RBMS3: variants seen among roughly 807,000 people sequenced by gnomAD.
RBMS3 encodes RNA-binding motif, single-stranded-interacting protein 3.
Under a neutral mutation model 66.8 loss-of-function variants are expected in RBMS3, and 27 were observed. The observed-to-expected ratio is 0.40, with a 90% CI of 0.30 to 0.56. The LOEUF is 0.56. Among genes scored for constraint, RBMS3 ranks in the 20% least tolerant of loss-of-function variants. RBMS3 has a pLI of 0.40. For missense variants in RBMS3, 513 were observed against 549.5 expected, an observed-to-expected ratio of 0.93 and a Z score of 0.66; for synonymous variants, 188 against 183.0, an observed-to-expected ratio of 1.03 and a Z score of -0.22.
intron 12 of RBMS3, among the ~76,000 whole-genome samples, chr3:29,975,798 C>A (rs1697543161): frequency 6.6e-6 from 1 of 151,782 alleles, no homozygotes; most frequent in Non-Finnish European, 1.5e-5. Context: ...TTTTTGCCTG[C>A]AGAAATTTCT....
At chr3:29,360,878 T>G (rs1440022693) in intron 1 of RBMS3, among the ~76,000 whole-genome samples, 1 of 151,970 alleles carries the variant, frequency 6.6e-6, no homozygotes, top group Non-Finnish European at 1.5e-5. Flanking sequence ...ACCCCTGCCT[T>G]TTTTTGGTTT....
chr3:29,859,941 T>C (rs943450481), intron 6 of RBMS3, among the ~76,000 whole-genome samples: 1 of 152,112 alleles, frequency 6.6e-6, no homozygotes, highest in Non-Finnish European at 1.5e-5. Flanking sequence ...AAGTCTATCA[T>C]GCATAGGGCA....
At chr3:29,973,510 C>T (rs914973376) in intron 12 of RBMS3, among the ~76,000 whole-genome samples, 4 of 151,896 alleles carry the variant, frequency 2.6e-5, no homozygotes, top group African/African-American at 9.7e-5. Context: ...TGTCCTATTA[C>T]CCAGTCTATG....
intron 4 of RBMS3, among the ~76,000 whole-genome samples, chr3:29,687,528 CA>C (rs2051786373): frequency 6.6e-6 from 1 of 152,178 alleles, no homozygotes; most frequent in Non-Finnish European, 1.5e-5. Context: ...ATATTTGACA[CA>C]AGCTATCTCA....
In RBMS3 at chr3:30,009,871, A is replaced by G. The variant is rs1169607151; in HGVS notation, c.*6009A>G. On this transcript the variant is annotated 3_prime_UTR_variant, in exon 15 of 15. Transcript: ENST00000383767. ...GATGTTTTTTCCTCCTCCCTCAAATATGTTATCTCTTCATATATAAAAAAA... is the reference window on the plus strand; with the variant it reads ...GATGTTTTTTCCTCCTCCCTCAAATGTGTTATCTCTTCATATATAAAAAAA... 2.0e-5 allele frequency: 3 copies of G among 152,122 alleles called. No homozygotes were observed. Among genetic ancestry groups the G allele is most frequent in the African/African-American group, 7.2e-5 (3 of 41,424 alleles). The allele number at this position is 152,122 out of a possible 1,614,324, so 9.4% of individuals were successfully genotyped here.
At chr3:29,619,140 G>T (rs1214520383) in intron 4 of RBMS3, among the ~76,000 whole-genome samples, 2 of 151,854 alleles carry the variant, frequency 1.3e-5, no homozygotes, top group Non-Finnish European at 2.9e-5. Flanking sequence ...AACAACACAC[G>T]CCAGGGCCTG....
chr3:29,984,311 C>T (rs929858438), intron 12 of RBMS3, among the ~76,000 whole-genome samples: 3 of 151,974 alleles, frequency 2.0e-5, no homozygotes, highest in African/African-American at 7.2e-5. Context: ...AGCAATTCCT[C>T]TAGCCTTTTT....
chr3:29,995,920 T>C, intron 14 of RBMS3, among the ~76,000 whole-genome samples: 1 of 151,920 alleles, frequency 6.6e-6, no homozygotes, highest in Non-Finnish European at 1.5e-5. Flanking sequence ...CATAACAATA[T>C]TAACTTTAAA....
intron 10 of RBMS3, chr3:29,924,916 C>G (rs2060892851): frequency 6.6e-6 from 1 of 151,548 alleles, no homozygotes; most frequent in Non-Finnish European, 1.5e-5. Flanking sequence ...AGACTTGACT[C>G]CTGACTGAGT....
At chr3:29,587,239 T>C in intron 4 of RBMS3, 34 bp downstream of exon 4, 1 of 831,866 alleles carries the variant, frequency 1.2e-6, no homozygotes, top group Admixed American at 3.4e-5. Flanking sequence ...TTTTTTTTTT[T>C]TTTTTTTTTT....
At chr3:29,770,209 C>T (rs2056136730) in intron 6 of RBMS3, among the ~76,000 whole-genome samples, 1 of 151,870 alleles carries the variant, frequency 6.6e-6, no homozygotes, top group Admixed American at 6.6e-5. Context: ...TTTGCTCCCC[C>T]TGCCACGTCT....
chr3:29,284,343 G>C (rs918855491), intron 1 of RBMS3, among the ~76,000 whole-genome samples: 2 of 151,938 alleles, frequency 1.3e-5, no homozygotes, highest in African/African-American at 4.8e-5. Context: ...CAATCCACAA[G>C]GGCTATTTAC....
chr3:29,818,992 T>A lies in RBMS3; in HGVS notation c.638-49866T>A, dbSNP rs1436142906. Among the ~76,000 whole-genome samples, 5 of 152,286 alleles carry A rather than the reference T, an allele frequency of 3.3e-5. No individual in the cohort carries two copies. The East Asian group carries it at 9.6e-4, about 29-fold the overall frequency. On this transcript the variant is annotated intron_variant, in intron 6 of 14. Coordinates refer to ENST00000383767, the MANE Select transcript of RBMS3 (RefSeq NM_001003793.3). The stretch of plus-strand genomic sequence containing the variant: ...ATGAAATAGTTCTTAAAAAGTAGTT[T>A]TCTAGACCCAGGAAATTTTAGTAAA...
At chr3:29,863,327 T>C (rs2149538533) in intron 6 of RBMS3, among the ~76,000 whole-genome samples, 1 of 152,148 alleles carries the variant, frequency 6.6e-6, no homozygotes, top group African/African-American at 2.4e-5. Flanking sequence ...TGTATACATA[T>C]GTAACAAACC....
chr3:29,297,517 A>G (rs1228167034), intron 1 of RBMS3, among the ~76,000 whole-genome samples: 1 of 151,868 alleles, frequency 6.6e-6, no homozygotes, highest in Non-Finnish European at 1.5e-5. Context: ...CATCTCTGCA[A>G]TCAGCTGGAT....
chr3:29,828,058 G>A (rs2058255344), intron 6 of RBMS3, among the ~76,000 whole-genome samples: 1 of 152,004 alleles, frequency 6.6e-6, no homozygotes. Context: ...ATATGTTTGT[G>A]TGTGTGTATG....
chr3:29,564,884 G>GAA (rs140765811), intron 3 of RBMS3, among the ~76,000 whole-genome samples: 2,448 of 147,850 alleles, frequency 0.017, 27 homozygotes, highest in Admixed American at 0.037. Flanking sequence ...TCAATTCCAA[G>GAA]AAAAAAAAAA....
chr3:29,532,235 C>T (rs957978567), intron 3 of RBMS3, among the ~76,000 whole-genome samples: 141 of 93,784 alleles, frequency 1.5e-3, no homozygotes, highest in Middle Eastern at 5.8e-3. Context: ...ATTTTAATTT[C>T]GCATATATAT....
chr3:29,462,067 G>T (rs574702178), intron 2 of RBMS3, among the ~76,000 whole-genome samples: 2 of 151,482 alleles, frequency 1.3e-5, no homozygotes, highest in East Asian at 3.9e-4. Flanking sequence ...GAGCCACCGC[G>T]CCCGGCTCTA....
Sources: gnomAD v4.1 joint callset for allele counts (sites outside exome capture counted in the v4.1 genomes callset) on GRCh38, gnomAD v4.1.1 for gene constraint, MANE v1.5 for transcripts, NCBI Gene and HGNC (gene_info 2026-07-23, HGNC 2026-07-21) for gene names.